Variants in COL4A3 observed in about 807,000 individuals in gnomAD.
COL4A3 encodes the protein collagen alpha-3(IV) chain.
COL4A3 carries 135 observed loss-of-function variants against 217.4 expected under a neutral mutation model. That is an observed-to-expected ratio of 0.62 (90% CI 0.54 to 0.72). COL4A3 has a LOEUF of 0.72. Among genes scored for constraint, COL4A3 ranks in the 30% least tolerant of loss-of-function variants. The pLI, the probability that COL4A3 is intolerant of heterozygous loss-of-function variation, is 0.00. For missense variants in COL4A3, 1,868 were observed against 2,119.9 expected, an observed-to-expected ratio of 0.88 and a Z score of 2.33; for synonymous variants, 690 against 736.3, an observed-to-expected ratio of 0.94 and a Z score of 1.02.
intron 1 of COL4A3, among the ~76,000 whole-genome samples, chr2:227,178,851 A>C (rs927028306): frequency 3.3e-5 from 5 of 151,498 alleles, no homozygotes; most frequent in African/African-American, 1.2e-4. Context: ...TGAGAGACTG[A>C]TCCAATGATG....
Position 227,310,931 on chromosome 2 carries a change from C to A in COL4A3, c.4911C>A (p.Asn1637Lys). The A allele has an allele frequency of 6.2e-7, 1 of 1,613,750 alleles. No homozygotes were observed. The highest frequency in any genetic ancestry group is 8.5e-7 in the Non-Finnish European group (1 of 1,180,006). ...NSYSFWLASL[N>K]PERMFRKPIP... ...ACAGTTTCTGGCTGGCTTCATTAAA[C>A]CCAGAAAGAATGTTCAGGTAACTAT... The change falls in exon 51 of 52, where the codon AAC becomes AAA. Residue 1637 changes from asparagine to lysine, a missense_variant. Coordinates refer to ENST00000396578, the MANE Select transcript of COL4A3 (RefSeq NM_000091.5).
intron 35 of COL4A3, 75 bp from the exon 36 acceptor site, chr2:227,289,924 A>G: frequency 1.4e-6 from 2 of 1,435,552 alleles, no homozygotes; most frequent in Non-Finnish European, 1.9e-6. Context: ...TCATGCATGC[A>G]AGCAACAAGT....
intron 1 of COL4A3, among the ~76,000 whole-genome samples, chr2:227,207,319 T>A (rs767510733): frequency 6.6e-6 from 1 of 152,132 alleles, no homozygotes; most frequent in Non-Finnish European, 1.5e-5. Flanking sequence ...ACTAAAAAAA[T>A]GCATTTTAGT....
intron 34 of COL4A3, among the ~76,000 whole-genome samples, chr2:227,286,541 A>G (rs1192352359): frequency 6.6e-6 from 1 of 152,214 alleles, no homozygotes; most frequent in Non-Finnish European, 1.5e-5. Context: ...CTACTATTGC[A>G]ATCATCCCAT....
chr2:227,175,214 G>A (rs1245138889), intron 1 of COL4A3, among the ~76,000 whole-genome samples: 1 of 152,152 alleles, frequency 6.6e-6, no homozygotes, highest in African/African-American at 2.4e-5. Context: ...GCTCAGCCCT[G>A]TAATCCCAGC....
intron 2 of COL4A3, among the ~76,000 whole-genome samples, chr2:227,238,436 G>T (rs895134665): frequency 6.6e-6 from 1 of 152,144 alleles, no homozygotes; most frequent in Non-Finnish European, 1.5e-5. Flanking sequence ...TGCAGCATTG[G>T]TTCAAGTTCG....
intron 1 of COL4A3, among the ~76,000 whole-genome samples, chr2:227,173,514 T>C (rs2065566655): frequency 6.6e-6 from 1 of 152,194 alleles, no homozygotes; most frequent in Non-Finnish European, 1.5e-5. Flanking sequence ...TTCAGGTCCA[T>C]TTCCTAACCG....
In COL4A3 at chr2:227,307,905, A is replaced by G; in HGVS notation, c.4448A>G (p.His1483Arg). The G allele has an allele frequency of 4.3e-6, 7 of 1,614,080 alleles. No individual in the cohort carries two copies. Among genetic ancestry groups the G allele is most frequent in the Non-Finnish European group, 5.9e-6 (7 of 1,179,998 alleles). The change falls in exon 48 of 52, where the codon CAC becomes CGC. Residue 1483 changes from histidine to arginine, a missense_variant. This residue lies in a region of COL4A3 where 1,503 missense variants were observed against 1,786.1 expected (regional missense o/e 0.84). Coordinates refer to ENST00000396578, the MANE Select transcript of COL4A3 (RefSeq NM_000091.5). Reference sequence around the variant, plus strand: ...TTTGTACAAGGAAATCAACGAGCCCACGGACAAGACCTTGGTAATGTCCCA... The same window carrying G: ...TTTGTACAAGGAAATCAACGAGCCCGCGGACAAGACCTTGGTAATGTCCCA... Reference protein sequence around the residue: ...FLFVQGNQRAHGQDLGTLGSC... With the variant: ...FLFVQGNQRARGQDLGTLGSC...
intron 1 of COL4A3, among the ~76,000 whole-genome samples, chr2:227,215,327 C>T (rs1282066078): frequency 6.6e-6 from 1 of 151,640 alleles, no homozygotes; most frequent in Non-Finnish European, 1.5e-5. Context: ...AATTTCTGTG[C>T]ATATATAGGT....
rs142783771 is a variant in COL4A3, at chr2:227,270,957, G to A, written c.1758+5G>A. 1 of 1,613,776 alleles carries A rather than the reference G, an allele frequency of 6.2e-7. No homozygotes were observed. The highest frequency in any genetic ancestry group is 2.2e-5 in the East Asian group (1 of 44,890). On this transcript the variant is annotated splice_donor_5th_base_variant and intron_variant, in intron 25 of 51. Coordinates refer to ENST00000396578, the MANE Select transcript of COL4A3 (RefSeq NM_000091.5). ...CCAGGACCTAAAGGCGAACTGGTTG[G>A]TATTTAGCAACTTTACCCTCCCTAT...
rs146223400 is a variant in COL4A3, at chr2:227,175,597, G to A, written c.87+10784G>A. On this transcript the variant is annotated intron_variant, in intron 1 of 51. Coordinates refer to ENST00000396578, the MANE Select transcript of COL4A3 (RefSeq NM_000091.5). Reference sequence around the variant, plus strand: ...TCCTGGCCCTGAAGGAATATGCTGAGTATTTTGCTACAGGTGAGGTGGGGG... The same window carrying A: ...TCCTGGCCCTGAAGGAATATGCTGAATATTTTGCTACAGGTGAGGTGGGGG... Among the ~76,000 whole-genome samples, 221 of 152,308 alleles carry A rather than the reference G, an allele frequency of 1.5e-3. 1 individual carries two copies. The East Asian group carries it at 0.025, about 17-fold the overall frequency.
intron 1 of COL4A3, among the ~76,000 whole-genome samples, chr2:227,171,147 GA>G (rs369896131): frequency 2.2e-4 from 33 of 152,284 alleles, no homozygotes; most frequent in African/African-American, 7.5e-4. Flanking sequence ...CTAGCACCCA[GA>G]AGTCACCCTT....
chr2:227,213,356 T>C (rs976192316), intron 1 of COL4A3, among the ~76,000 whole-genome samples: 1 of 152,298 alleles, frequency 6.6e-6, no homozygotes, highest in East Asian at 1.9e-4. Context: ...TGACTTTTTT[T>C]GGAGAGTAAA....
At chr2:227,213,626 A>G (rs1234373851) in intron 1 of COL4A3, among the ~76,000 whole-genome samples, 1 of 152,148 alleles carries the variant, frequency 6.6e-6, no homozygotes, top group African/African-American at 2.4e-5. Context: ...ATAAATGGCC[A>G]GGCGCGGTGG....
chr2:227,252,567 C>T lies in COL4A3; in HGVS notation c.646-729C>T, dbSNP rs551814259. 7.4e-4 allele frequency among the ~76,000 whole-genome samples: 103 copies of T among 138,466 alleles called. 1 individual carries two copies. Among genetic ancestry groups the T allele is most frequent in the Non-Finnish European group, 2.0e-4 (13 of 65,278 alleles). The allele number at this position is 138,466 out of a possible 152,430, so 90.8% of individuals were successfully genotyped here. On this transcript the variant is annotated intron_variant, in intron 11 of 51. Transcript: ENST00000396578. Reference sequence around the variant, plus strand: ...TCCAAGATACTTTCATATTTATTATCTCATTGATACACACAAATGCACACA... The same window carrying T: ...TCCAAGATACTTTCATATTTATTATTTCATTGATACACACAAATGCACACA...
At chr2:227,232,616 A>C (rs1047100256) in intron 1 of COL4A3, among the ~76,000 whole-genome samples, 1 of 152,044 alleles carries the variant, frequency 6.6e-6, no homozygotes, top group African/African-American at 2.4e-5. Flanking sequence ...AATTTCTCTG[A>C]TGATCAATGA....
chr2:227,302,941 C>CATA, intron 43 of COL4A3, 97 bp from the exon 44 acceptor site: 2 of 775,676 alleles, frequency 2.6e-6, no homozygotes, highest in Admixed American at 3.8e-5. Context: ...TCTCACCCAA[C>CATA]ATAATATTAT....
Position 227,172,434 on chromosome 2 carries a change from A to G in COL4A3, c.87+7621A>G, listed in dbSNP as rs558362090. Among the ~76,000 whole-genome samples the G allele has an allele frequency of 2.6e-5, 4 of 152,078 alleles. No individual in the cohort carries two copies. The East Asian group carries it at 7.7e-4, about 29-fold the overall frequency. On this transcript the variant is annotated intron_variant, in intron 1 of 51. Transcript: ENST00000396578. The stretch of plus-strand genomic sequence containing the variant: ...GCTGACCTCTCATTATATCCTCACA[A>G]GGTAGTTCGGCGGGGGTGGTTGGGG...
chr2:227,254,150 C>A lies in COL4A3; in HGVS notation c.804C>A (p.Gly268=), dbSNP rs567238530. 6.2e-7 allele frequency: 1 copy of A among 1,613,782 alleles called. No individual in the cohort carries two copies. Among genetic ancestry groups the A allele is most frequent in the Non-Finnish European group, 8.5e-7 (1 of 1,179,860 alleles). ...KGEKGDKGAM[G]EPGPPGPSGL... is the part of the protein sequence containing the mutation. ...AAAAGGGAGACAAGGGAGCAATGGGCGAGCCTGGACCTCCTGGACCCTCAG... is the reference window on the plus strand; with the variant it reads ...AAAAGGGAGACAAGGGAGCAATGGGAGAGCCTGGACCTCCTGGACCCTCAG... Residue 268 remains glycine, a synonymous_variant, in exon 14 of 52, where the codon GGC becomes GGA. Transcript: ENST00000396578.
Sources: allele counts gnomAD v4.1 joint callset (sites outside exome capture counted in the v4.1 genomes callset), GRCh38; gene constraint gnomAD v4.1.1; regional missense constraint gnomAD v4.1.1; transcripts MANE v1.5; gene names NCBI Gene and HGNC (gene_info 2026-07-23, HGNC 2026-07-21).